Variants in FDX1 observed in about 807,000 individuals in gnomAD.
FDX1 encodes adrenodoxin, mitochondrial.
Under a neutral mutation model 14.9 loss-of-function variants are expected in FDX1, and 9 were observed. The observed-to-expected ratio is 0.60, with a 90% CI of 0.36 to 1.05. The LOEUF (loss-of-function observed/expected upper bound fraction) is 1.05. Ranked by LOEUF, FDX1 falls within the 50% of genes least tolerant of loss-of-function variation. The pLI, the probability that FDX1 is intolerant of heterozygous loss-of-function variation, is 0.01. For missense variants in FDX1, 204 were observed against 237.2 expected, an observed-to-expected ratio of 0.86 and a Z score of 0.92; for synonymous variants, 92 against 99.4, an observed-to-expected ratio of 0.93 and a Z score of 0.44.
intron 2 of FDX1, among the ~76,000 whole-genome samples, chr11:110,444,452 C>A (rs1204450545): frequency 2.0e-5 from 3 of 151,200 alleles, no homozygotes; most frequent in Non-Finnish European, 4.4e-5. Flanking sequence ...CCCATCTCTA[C>A]TAAAAATACA....
rs139119602 is a variant in FDX1, at chr11:110,460,300, A to T, written c.441-2054A>T. ...ACTTCCTGGTGGTTCCTCCTTGCTC[A>T]CCAGTGAAACACAGGCCCCTTAACT... On this transcript the variant is annotated intron_variant, in intron 3 of 3. Coordinates refer to ENST00000260270, the MANE Select transcript of FDX1 (RefSeq NM_004109.5). Among the ~76,000 whole-genome samples, 1,322 of 152,240 alleles carry T rather than the reference A, an allele frequency of 8.7e-3. 14 individuals are homozygous for T. Among genetic ancestry groups the T allele is most frequent in the African/African-American group, 0.03 (1,238 of 41,544 alleles).
At position 110,430,300 on chromosome 11, in the gene FDX1, G is replaced by T; in HGVS notation, c.180G>T (p.Arg60=). ...CGCTGAGCGTGTCGGCGCGGGCCCG[G>T]AGCAGGTAGGGCGCCGTGCGGGCGC... ...SRSLSVSARA[R]SSSEDKITVH... is the part of the protein sequence containing the mutation. Residue 60 remains arginine (R), a synonymous_variant, in exon 1 of 4, where the codon CGG becomes CGT. Coordinates refer to ENST00000260270, the MANE Select transcript of FDX1 (RefSeq NM_004109.5). The T allele has an allele frequency of 8.4e-7, 1 of 1,196,836 alleles. No homozygotes were observed. The highest frequency in any genetic ancestry group is 4.2e-5 in the South Asian group (1 of 24,048). The allele number at this position is 1,196,836 out of a possible 1,614,324, so 74.1% of individuals were successfully genotyped here. A position where few individuals can be genotyped will look rare whatever the true frequency, so the allele number is the denominator to read the frequency against.
intron 2 of FDX1, among the ~76,000 whole-genome samples, chr11:110,445,365 A>AT (rs1319207604): frequency 6.6e-6 from 1 of 151,830 alleles, no homozygotes; most frequent in African/African-American, 2.4e-5. Flanking sequence ...TTTTAAAAGT[A>AT]TTTTTTTCTT....
At chr11:110,450,591 A>G (rs1946480186) in intron 2 of FDX1, among the ~76,000 whole-genome samples, 1 of 152,232 alleles carries the variant, frequency 6.6e-6, no homozygotes, top group Non-Finnish European at 1.5e-5. Flanking sequence ...TAGTAATGAA[A>G]AGAATTTTAC....
chr11:110,446,934 T>TG (rs1946453689), intron 2 of FDX1, among the ~76,000 whole-genome samples: 1 of 152,172 alleles, frequency 6.6e-6, no homozygotes, highest in Admixed American at 6.5e-5. Context: ...CCCTGCACTT[T>TG]GGGAGGCCTA....
At chr11:110,447,034 G>C (rs1382804887) in intron 2 of FDX1, among the ~76,000 whole-genome samples, 5 of 151,854 alleles carry the variant, frequency 3.3e-5, no homozygotes, top group Non-Finnish European at 5.9e-5. Context: ...AATTAGCCAG[G>C]TGTGGTGGCG....
Position 110,430,257 on chromosome 11 carries a change from G to T in FDX1, c.137G>T (p.Ser46Ile). 8.3e-7 allele frequency: 1 copy of T among 1,204,814 alleles called. No individual in the cohort carries two copies. Among genetic ancestry groups the T allele is most frequent in the Non-Finnish European group, 1.0e-6 (1 of 970,494 alleles). The allele number at this position is 1,204,814 out of a possible 1,614,324, so 74.6% of individuals were successfully genotyped here. ...GLLRNRGPGG[S>I]AEASRSLSVS... ...CTGAGGAACCGGGGGCCGGGCGGGA[G>T]CGCGGAGGCGAGCCGGTCGCTGAGC... The change falls in exon 1 of 4, where the codon AGC becomes ATC. Residue 46 changes from serine to isoleucine, a missense_variant. Physicochemically the swap from Ser to Ile is moderately radical, Grantham distance 142. Transcript: ENST00000260270.
At chr11:110,447,178 A>AG (rs1491203973) in intron 2 of FDX1, among the ~76,000 whole-genome samples, 6 of 123,242 alleles carry the variant, frequency 4.9e-5, no homozygotes, top group African/African-American at 2.1e-4. Flanking sequence ...TCCATCTTGG[A>AG]AAAAAAAAAA....
intron 2 of FDX1, among the ~76,000 whole-genome samples, chr11:110,451,446 G>A (rs899175433): frequency 6.7e-5 from 10 of 148,776 alleles, no homozygotes; most frequent in Non-Finnish European, 2.9e-5. Context: ...AACAGATGTG[G>A]TGAGGTTACA....
chr11:110,451,400 C>T (rs900298621), intron 2 of FDX1, among the ~76,000 whole-genome samples: 3 of 152,016 alleles, frequency 2.0e-5, no homozygotes, highest in Admixed American at 2.0e-4. Context: ...GGGTCTCATG[C>T]CAGTCAGAAT....
At chr11:110,436,487 C>G (rs13328832) in intron 2 of FDX1, among the ~76,000 whole-genome samples, 1 of 151,656 alleles carries the variant, frequency 6.6e-6, no homozygotes, top group Non-Finnish European at 1.5e-5. Flanking sequence ...TCAAGCAATG[C>G]ATGTTTAGAT....
intron 2 of FDX1, among the ~76,000 whole-genome samples, chr11:110,451,787 A>G (rs1946488192): frequency 6.6e-6 from 1 of 152,262 alleles, no homozygotes; most frequent in Non-Finnish European, 1.5e-5. Context: ...TTGCAGGGAC[A>G]TGGATGGAGC....
At chr11:110,449,670 C>T (rs1946473959) in intron 2 of FDX1, among the ~76,000 whole-genome samples, 1 of 152,132 alleles carries the variant, frequency 6.6e-6, no homozygotes, top group South Asian at 2.1e-4. Context: ...CTCTGTCACT[C>T]AGGCTGGAGT....
chr11:110,429,997 GCCCCGCGCCCCT>G lies in FDX1; in HGVS notation c.-122_-111del, dbSNP rs1246550095. On this transcript the variant is annotated 5_prime_UTR_variant, in exon 1 of 4. Coordinates refer to ENST00000260270, the MANE Select transcript of FDX1 (RefSeq NM_004109.5). The stretch of plus-strand genomic sequence containing the variant: ...CCAGCAGGGTCTCTCCGCCACTCCA[GCCCCGCGCCCCT>G]CGCCGCGGCCCTCGGGCGTCTGCGC... 9 of 610,122 alleles carry G rather than the reference GCCCCGCGCCCCT, an allele frequency of 1.5e-5. No individual in the cohort carries two copies. In the African/African-American group the frequency reaches 1.8e-4, roughly 12 times the overall value. 37.8% of individuals were successfully genotyped at this position (610,122 alleles called of 1,614,324 possible).
intron 2 of FDX1, among the ~76,000 whole-genome samples, chr11:110,449,390 GTTA>G (rs1946472036): frequency 6.6e-6 from 1 of 152,168 alleles, no homozygotes; most frequent in Non-Finnish European, 1.5e-5. Flanking sequence ...CATGAAGTAT[GTTA>G]TTATTATTAA....
At chr11:110,461,561 A>T (rs983142112) in intron 3 of FDX1, among the ~76,000 whole-genome samples, 25 of 151,916 alleles carry the variant, frequency 1.6e-4, no homozygotes, top group Non-Finnish European at 3.7e-4. Context: ...ATTCTGCAAA[A>T]AAAAAAGGAA....
chr11:110,446,282 G>A (rs754773408), intron 2 of FDX1, among the ~76,000 whole-genome samples: 30 of 152,158 alleles, frequency 2.0e-4, no homozygotes, highest in Non-Finnish European at 3.5e-4. Flanking sequence ...TAATTCCTAA[G>A]GCTGAATGCA....
intron 2 of FDX1, among the ~76,000 whole-genome samples, chr11:110,438,883 T>C (rs1946387574): frequency 6.6e-6 from 1 of 152,074 alleles, no homozygotes; most frequent in Non-Finnish European, 1.5e-5. Context: ...TTTTCTCTCA[T>C]TCTGTAGGGT....
At chr11:110,435,810 C>G (rs978706269) in intron 1 of FDX1, 24 bp from the exon 2 acceptor site, 18 of 1,561,060 alleles carry the variant, frequency 1.2e-5, no homozygotes, top group African/African-American at 1.1e-4. Context: ...ACTAAAAATA[C>G]TAAAGGACTG....
Sources: allele counts gnomAD v4.1 joint callset (sites outside exome capture counted in the v4.1 genomes callset), GRCh38; gene constraint gnomAD v4.1.1; transcripts MANE v1.5; gene names NCBI Gene and HGNC (gene_info 2026-07-23, HGNC 2026-07-21).